RCAN2: variants seen among roughly 807,000 people sequenced by gnomAD.
RCAN2 encodes the protein calcipressin-2.
In RCAN2, 9 loss-of-function variants were observed where a neutral mutation model predicts 23.6. That is an observed-to-expected ratio of 0.38 (90% CI 0.23 to 0.67). The LOEUF (loss-of-function observed/expected upper bound fraction) is 0.67. Among genes scored for constraint, RCAN2 ranks in the 30% least tolerant of loss-of-function variants. RCAN2 has a pLI of 0.51. For synonymous variants in RCAN2, 109 were observed against 115.7 expected (o/e 0.94, Z 0.37); for missense variants, 273 against 302.3 (o/e 0.90, Z 0.72).
At chr6:46,392,968 A>G (rs1353127926) in intron 2 of RCAN2, among the ~76,000 whole-genome samples, 3 of 152,226 alleles carry the variant, frequency 2.0e-5, no homozygotes, top group African/African-American at 7.2e-5. Context: ...GAAACTTTTC[A>G]AAAATATAAA....
chr6:46,226,436 T>C (rs1201910356), intron 4 of RCAN2, among the ~76,000 whole-genome samples: 1 of 152,212 alleles, frequency 6.6e-6, no homozygotes, highest in Non-Finnish European at 1.5e-5. Flanking sequence ...GTTCTTCCAT[T>C]TGTTTGTGTC....
chr6:46,383,082 T>C (rs1765652208), intron 2 of RCAN2, among the ~76,000 whole-genome samples: 2 of 151,690 alleles, frequency 1.3e-5, no homozygotes, highest in Admixed American at 6.6e-5. Context: ...AACTTGAACA[T>C]GAAGTACAAA....
At chr6:46,486,866 A>G (rs562050694) in intron 1 of RCAN2, among the ~76,000 whole-genome samples, 1 of 152,246 alleles carries the variant, frequency 6.6e-6, no homozygotes, top group Non-Finnish European at 1.5e-5. Flanking sequence ...TCTGGAAAGT[A>G]CCATTCATGG....
intron 1 of RCAN2, among the ~76,000 whole-genome samples, chr6:46,467,785 C>G (rs1768436079): frequency 6.6e-6 from 1 of 152,182 alleles, no homozygotes; most frequent in African/African-American, 2.4e-5. Context: ...CTCCAAAATC[C>G]CAAAATTTCT....
intron 2 of RCAN2, among the ~76,000 whole-genome samples, chr6:46,375,807 G>T (rs1340647405): frequency 6.6e-6 from 1 of 152,196 alleles, no homozygotes; most frequent in Non-Finnish European, 1.5e-5. Context: ...TTTATTTATA[G>T]AAACAGAAAT....
In RCAN2 at chr6:46,222,337, C is replaced by A; in HGVS notation, c.*804G>T. ...TATACAAAGAGAGAAAACAATCATT[C>A]AGACACCATGAAACTTTTGTAATAA... is the stretch of plus-strand genomic sequence containing the variant. On this transcript the variant is annotated 3_prime_UTR_variant, in exon 5 of 5. Transcript: ENST00000371374. The A allele has an allele frequency of 5.3e-6, 1 of 188,490 alleles. No homozygotes were observed. 11.7% of individuals were successfully genotyped at this position (188,490 alleles called of 1,614,324 possible). A position where few individuals can be genotyped will look rare whatever the true frequency, so the allele number is the denominator to read the frequency against.
At chr6:46,260,439 C>G (rs1188847221) in intron 2 of RCAN2, among the ~76,000 whole-genome samples, 1 of 152,102 alleles carries the variant, frequency 6.6e-6, no homozygotes, top group African/African-American at 2.4e-5. Flanking sequence ...TTGCCTAAAT[C>G]CACTTTGTAA....
chr6:46,367,651 A>G (rs1042216266), intron 2 of RCAN2, among the ~76,000 whole-genome samples: 1 of 152,176 alleles, frequency 6.6e-6, no homozygotes, highest in Admixed American at 6.5e-5. Flanking sequence ...TGTATTTTAC[A>G]CATCATCTTT....
At chr6:46,299,309 A>T (rs2584077) in intron 2 of RCAN2, among the ~76,000 whole-genome samples, 2 of 152,022 alleles carry the variant, frequency 1.3e-5, no homozygotes, top group Non-Finnish European at 2.9e-5. Flanking sequence ...ATGCATATGG[A>T]TTTCAAGAGC....
intron 2 of RCAN2, among the ~76,000 whole-genome samples, chr6:46,296,278 T>C (rs569227111): frequency 6.8e-6 from 1 of 147,298 alleles, no homozygotes; most frequent in South Asian, 2.1e-4. Flanking sequence ...ATATTGACAA[T>C]ACCATGTTTC....
At chr6:46,417,314 C>T (rs186487496) in intron 2 of RCAN2, among the ~76,000 whole-genome samples, 59 of 152,136 alleles carry the variant, frequency 3.9e-4, no homozygotes, top group Non-Finnish European at 3.8e-4. Flanking sequence ...AAAATGATAT[C>T]TCACTGTTGT....
chr6:46,399,290 T>G (rs1766180410), intron 2 of RCAN2, among the ~76,000 whole-genome samples: 1 of 151,914 alleles, frequency 6.6e-6, no homozygotes, highest in African/African-American at 2.4e-5. Flanking sequence ...TCCCAGGTCA[T>G]TAGAAGGATA....
chr6:46,456,683 GAAC>G (rs966482662), intron 2 of RCAN2, 66 bp downstream of exon 2: 11 of 1,193,174 alleles, frequency 9.2e-6, no homozygotes, highest in African/African-American at 1.5e-5. Context: ...AACCACAAAT[GAAC>G]AACAGGATTA....
chr6:46,416,543 C>G (rs1256881537), intron 2 of RCAN2, among the ~76,000 whole-genome samples: 1 of 151,366 alleles, frequency 6.6e-6, no homozygotes, highest in African/African-American at 2.4e-5. Flanking sequence ...CAGATAGTGT[C>G]TCGCTCTGTC....
intron 4 of RCAN2, among the ~76,000 whole-genome samples, chr6:46,240,893 T>C (rs956144173): frequency 1.1e-4 from 17 of 152,292 alleles, no homozygotes; most frequent in African/African-American, 3.9e-4. Flanking sequence ...AATCTAAATA[T>C]AGCAGACACA....
At chr6:46,273,110 T>C (rs1767570780) in intron 2 of RCAN2, among the ~76,000 whole-genome samples, 1 of 152,230 alleles carries the variant, frequency 6.6e-6, no homozygotes, top group African/African-American at 2.4e-5. Context: ...AAAGCTGTGG[T>C]ATTTTGAATT....
intron 2 of RCAN2, among the ~76,000 whole-genome samples, chr6:46,414,062 G>A (rs1766628646): frequency 1.3e-5 from 2 of 152,122 alleles, no homozygotes; most frequent in African/African-American, 4.8e-5. Context: ...CAATCTGTAG[G>A]GACTCTGGAC....
intron 1 of RCAN2, among the ~76,000 whole-genome samples, chr6:46,478,371 T>C (rs886552009): frequency 1.3e-5 from 2 of 152,186 alleles, no homozygotes; most frequent in Non-Finnish European, 2.9e-5. Context: ...AACACATTTC[T>C]ACATATTTTA....
intron 2 of RCAN2, among the ~76,000 whole-genome samples, chr6:46,430,699 A>G (rs902910726): frequency 6.6e-6 from 1 of 152,184 alleles, no homozygotes; most frequent in Non-Finnish European, 1.5e-5. Flanking sequence ...ACTGAGAAAT[A>G]AAAGATTGGT....
Sources: allele counts gnomAD v4.1 joint callset (sites outside exome capture counted in the v4.1 genomes callset), GRCh38; gene constraint gnomAD v4.1.1; transcripts MANE v1.5; gene names NCBI Gene and HGNC (gene_info 2026-07-23, HGNC 2026-07-21).